The following NPEPPS variants were observed in gnomAD, a reference collection of about 807,000 sequenced individuals.
The protein encoded by NPEPPS is aminopeptidase puromycin sensitive.
Under a neutral mutation model 115.5 loss-of-function variants are expected in NPEPPS, and 14 were observed. The observed-to-expected ratio is 0.12, with a 90% confidence interval of 0.08 to 0.19. The LOEUF is 0.19. NPEPPS is among the 10% of genes least tolerant of loss of function. The pLI is 1.00. For missense variants in NPEPPS, 523 were observed against 1,110.8 expected, an observed-to-expected ratio of 0.47 and a Z score of 7.52; for synonymous variants, 285 against 390.6, an observed-to-expected ratio of 0.73 and a Z score of 3.19.
chr17:47,619,836 A>G (rs1914432257), intron 22 of NPEPPS, 52 bp downstream of exon 22: 11 of 1,332,904 alleles, frequency 8.3e-6, no homozygotes, highest in East Asian at 2.3e-5. Flanking sequence ...AGTAAAAACA[A>G]TAACCTGGTT....
chr17:47,594,277 A>T (rs1297034618), intron 12 of NPEPPS, among the ~76,000 whole-genome samples: 1 of 152,254 alleles, frequency 6.6e-6, no homozygotes, highest in African/African-American at 2.4e-5. Context: ...TATAGATATT[A>T]TAAATACTTT....
At chr17:47,613,575 C>T (rs1177386699) in intron 18 of NPEPPS, 94 bp from the exon 19 acceptor site, 1 of 1,102,400 alleles carries the variant, frequency 9.1e-7, no homozygotes, top group African/African-American at 1.6e-5. Flanking sequence ...CCAACATTTA[C>T]AATATTGTTT....
At chr17:47,611,197 C>T (rs1321798889) in intron 17 of NPEPPS, among the ~76,000 whole-genome samples, 2 of 151,752 alleles carry the variant, frequency 1.3e-5, no homozygotes, top group East Asian at 2.0e-4. Flanking sequence ...CAGTGGCTCA[C>T]GCTTGTAATC....
intron 19 of NPEPPS, among the ~76,000 whole-genome samples, chr17:47,615,548 C>A (rs970459694): frequency 6.6e-6 from 1 of 152,094 alleles, no homozygotes; most frequent in African/African-American, 2.4e-5. Context: ...CAGAGCAAGA[C>A]CCTATCTTAA....
At chr17:47,569,604 A>C (rs1356802392) in intron 3 of NPEPPS, 110 bp downstream of exon 3, 2 of 652,830 alleles carry the variant, frequency 3.1e-6, no homozygotes, top group East Asian at 5.7e-5. Flanking sequence ...TAGCAGATTA[A>C]GTATTAAGAG....
At chr17:47,577,616 A>G (rs547161781) in intron 3 of NPEPPS, among the ~76,000 whole-genome samples, 124 of 152,308 alleles carry the variant, frequency 8.1e-4, no homozygotes, top group Non-Finnish European at 1.4e-3. Context: ...AGATATTTAC[A>G]AACATCTGAT....
chr17:47,553,019 A>T (rs1909757046), intron 2 of NPEPPS, among the ~76,000 whole-genome samples: 1 of 152,062 alleles, frequency 6.6e-6, no homozygotes, highest in African/African-American at 2.4e-5. Context: ...TAACCGCACC[A>T]TATTGCAATT....
chr17:47,574,468 A>G (rs1324311386), intron 3 of NPEPPS, among the ~76,000 whole-genome samples: 1 of 152,214 alleles, frequency 6.6e-6, no homozygotes, highest in Non-Finnish European at 1.5e-5. Context: ...ACCAGGGAAG[A>G]GTAGACAGAA....
intron 2 of NPEPPS, among the ~76,000 whole-genome samples, chr17:47,560,606 A>AT (rs1910365719): frequency 6.6e-6 from 1 of 152,078 alleles, no homozygotes; most frequent in Admixed American, 6.6e-5. Context: ...TCCTGGTTCC[A>AT]TTTTTCACTT....
chr17:47,601,867 A>G, intron 15 of NPEPPS, 120 bp downstream of exon 15: 2 of 1,048,622 alleles, frequency 1.9e-6, no homozygotes, highest in East Asian at 5.2e-5. Flanking sequence ...TTTCTTTGTG[A>G]AACTTAGGAC....
At chr17:47,610,397 G>A (rs187680152) in intron 17 of NPEPPS, among the ~76,000 whole-genome samples, 1 of 150,794 alleles carries the variant, frequency 6.6e-6, no homozygotes, top group Non-Finnish European at 1.5e-5. Context: ...TTTTTTTTGG[G>A]GGGGGGTAAC....
At chr17:47,576,670 G>A (rs1413831125) in intron 3 of NPEPPS, among the ~76,000 whole-genome samples, 1 of 151,992 alleles carries the variant, frequency 6.6e-6, no homozygotes, top group African/African-American at 2.4e-5. Flanking sequence ...AAACATTTAA[G>A]GTTTTTGATG....
chr17:47,536,584 G>A (rs1205530676), intron 1 of NPEPPS, among the ~76,000 whole-genome samples: 2 of 150,868 alleles, frequency 1.3e-5, no homozygotes, highest in African/African-American at 4.9e-5. Context: ...TAGTAGAGAC[G>A]GGGTTTCTCC....
At chr17:47,534,998 A>G (rs1908093483) in intron 1 of NPEPPS, among the ~76,000 whole-genome samples, 1 of 151,636 alleles carries the variant, frequency 6.6e-6, no homozygotes, top group Admixed American at 6.6e-5. Flanking sequence ...TAATCCCAGC[A>G]CTCTGGGAGG....
intron 1 of NPEPPS, among the ~76,000 whole-genome samples, chr17:47,543,529 G>A (rs1908942411): frequency 7.5e-6 from 1 of 134,146 alleles, no homozygotes; most frequent in African/African-American, 2.9e-5. Flanking sequence ...GTTTCACCAT[G>A]TTGGTCAGGC....
intron 17 of NPEPPS, among the ~76,000 whole-genome samples, chr17:47,610,860 T>G (rs1161267806): frequency 1.4e-5 from 2 of 141,132 alleles, no homozygotes; most frequent in Non-Finnish European, 3.1e-5. Context: ...TTTTTTTTTT[T>G]TTTTTTTTTT....
chr17:47,594,305 A>G (rs1379051000), intron 12 of NPEPPS, among the ~76,000 whole-genome samples: 4 of 152,198 alleles, frequency 2.6e-5, no homozygotes, highest in African/African-American at 4.8e-5. Context: ...GGCTACACTG[A>G]ATTTATAAAA....
At chr17:47,526,802 C>G (rs1267888734), upstream of NPEPPS, among the ~76,000 whole-genome samples, 2 of 151,610 alleles carry the variant, frequency 1.3e-5, no homozygotes, top group African/African-American at 4.8e-5. Flanking sequence ...ACTAAAAATA[C>G]GAAAAATTAG....
chr17:47,559,290 C>T (rs1349317456), intron 2 of NPEPPS, among the ~76,000 whole-genome samples: 1 of 152,124 alleles, frequency 6.6e-6, no homozygotes, highest in Non-Finnish European at 1.5e-5. Flanking sequence ...GATTCTCTCA[C>T]CTCAGCCTCC....
Sources: gnomAD v4.1 joint callset for allele counts (sites outside exome capture counted in the v4.1 genomes callset) on GRCh38, gnomAD v4.1.1 for gene constraint, MANE v1.5 for transcripts, NCBI Gene and HGNC (gene_info 2026-07-23, HGNC 2026-07-21) for gene names.